The following ASNS variants were observed in gnomAD, a reference collection of about 807,000 sequenced individuals.
ASNS encodes the protein asparagine synthetase (glutamine-hydrolyzing), also known as asparagine synthetase [glutamine-hydrolyzing].
In ASNS, 37 loss-of-function variants were observed where a neutral mutation model predicts 62.6. The observed-to-expected ratio is 0.59, with a 90% CI of 0.45 to 0.78. ASNS has a LOEUF of 0.78. Among genes scored for constraint, ASNS ranks in the 30% least tolerant of loss-of-function variants. The probability of loss-of-function intolerance (pLI) is 0.00; values close to 1 mark genes in which losing one functional copy is unlikely to be tolerated. For synonymous variants in ASNS, 207 were observed against 237.9 expected (o/e 0.87, Z 1.19); for missense variants, 520 against 682.4 (o/e 0.76, Z 2.65).
chr7:97,925,528 A>G, the ASNS span, among the ~76,000 whole-genome samples: 1 of 152,118 alleles, frequency 6.6e-6, no homozygotes, highest in Non-Finnish European at 1.5e-5. Context: ...CCATCCTACA[A>G]TACACGGGAC....
the ASNS span, chr7:97,898,692 T>C: frequency 4.6e-6 from 3 of 657,268 alleles, no homozygotes; most frequent in African/African-American, 3.6e-5. Flanking sequence ...TTGTGTTTTT[T>C]AGTAAAACCA....
At chr7:97,917,161 C>T in the ASNS span, among the ~76,000 whole-genome samples, 1 of 133,448 alleles carries the variant, frequency 7.5e-6, no homozygotes. Context: ...AGATAAACAA[C>T]AAATCATTTT....
At chr7:97,883,384 T>C in the ASNS span, among the ~76,000 whole-genome samples, 1 of 152,114 alleles carries the variant, frequency 6.6e-6, no homozygotes, top group Admixed American at 6.5e-5. Context: ...CTTGGGTATG[T>C]TTTTCTTCTC....
chr7:97,925,571 C>T, the ASNS span, among the ~76,000 whole-genome samples: 6 of 152,084 alleles, frequency 3.9e-5, no homozygotes. Flanking sequence ...ATGGTCTGAC[C>T]CCAAGTGTTG....
chr7:97,908,907 C>T, the ASNS span: 3 of 152,126 alleles, frequency 2.0e-5, no homozygotes, highest in South Asian at 2.1e-4. Flanking sequence ...GTGAGCAAGC[C>T]GCCTGGATGA....
chr7:97,892,060 T>C, the ASNS span, among the ~76,000 whole-genome samples: 1 of 152,210 alleles, frequency 6.6e-6, no homozygotes, highest in Non-Finnish European at 1.5e-5. Flanking sequence ...TGCCTGGATA[T>C]CTAGGCATTT....
upstream of ASNS, among the ~76,000 whole-genome samples, chr7:97,873,365 C>T (rs1456969457): frequency 6.6e-6 from 1 of 152,172 alleles, no homozygotes; most frequent in Non-Finnish European, 1.5e-5. Context: ...ACAGTCAATG[C>T]TTGGAGAGCA....
chr7:97,921,877 C>A, the ASNS span, among the ~76,000 whole-genome samples: 1 of 152,154 alleles, frequency 6.6e-6, no homozygotes, highest in Non-Finnish European at 1.5e-5. Flanking sequence ...CCCTCCTCCC[C>A]CAACTGGTCT....
chr7:97,851,806 C>T lies in ASNS; in HGVS notation c.*453G>A, dbSNP rs910294100. On this transcript the variant is annotated 3_prime_UTR_variant, in exon 13 of 13. Transcript: ENST00000394308. ...GAGAAAAAAATGAACTACTATCTTG[C>T]AAAATAGAGCTGTGATGAACTCCTA... The T allele has an allele frequency of 3.2e-5, 5 of 155,192 alleles. No homozygotes were observed. Among genetic ancestry groups the T allele is most frequent in the Admixed American group, 1.3e-4 (2 of 15,678 alleles). 9.6% of individuals were successfully genotyped at this position (155,192 alleles called of 1,614,324 possible).
At chr7:97,920,021 T>C in the ASNS span, among the ~76,000 whole-genome samples, 1 of 151,950 alleles carries the variant, frequency 6.6e-6, no homozygotes, top group East Asian at 1.9e-4. Flanking sequence ...CTTTTTTTTT[T>C]TTTTGAGATG....
At chr7:97,911,662 C>G in the ASNS span, among the ~76,000 whole-genome samples, 1 of 151,896 alleles carries the variant, frequency 6.6e-6, no homozygotes, top group African/African-American at 2.4e-5. Flanking sequence ...AAACAAAAAC[C>G]CTCTTGATCC....
In ASNS at chr7:97,870,507, G is replaced by A. The variant is rs1163456028; in HGVS notation, c.-59-694C>T. Reference sequence around the variant, plus strand: ...AACCAAAGGTTTAGCTGGCTTTTCCGGAAAACCAGAACCAAATAATATATG... The same window carrying A: ...AACCAAAGGTTTAGCTGGCTTTTCCAGAAAACCAGAACCAAATAATATATG... On this transcript the variant is annotated intron_variant, in intron 1 of 12. Transcript: ENST00000394308. 1.3e-4 allele frequency among the ~76,000 whole-genome samples: 20 copies of A among 152,146 alleles called. No homozygotes were observed. In the South Asian group the frequency reaches 3.9e-3, roughly 30 times the overall value.
At chr7:97,912,041 A>G in the ASNS span, among the ~76,000 whole-genome samples, 1,326 of 152,304 alleles carry the variant, frequency 8.7e-3, 8 homozygotes, top group Non-Finnish European at 0.014. Context: ...GAGAGGCAGA[A>G]CAAGGAAAAG....
the ASNS span, chr7:97,886,027 C>T: frequency 8.3e-6 from 5 of 604,994 alleles, no homozygotes; most frequent in South Asian, 3.0e-5. Context: ...ACCTCCTGCC[C>T]GTCTCATGAT....
the ASNS span, among the ~76,000 whole-genome samples, chr7:97,900,998 A>G: frequency 6.6e-6 from 1 of 152,262 alleles, no homozygotes; most frequent in Non-Finnish European, 1.5e-5. Flanking sequence ...ATACAGGCAC[A>G]GTTATATGGC....
At chr7:97,894,358 A>G in the ASNS span, among the ~76,000 whole-genome samples, 2 of 151,798 alleles carry the variant, frequency 1.3e-5, no homozygotes, top group Non-Finnish European at 2.9e-5. Context: ...GAAAGAAAAA[A>G]TATAAATAAC....
chr7:97,910,687 C>T, the ASNS span, among the ~76,000 whole-genome samples: 7 of 151,934 alleles, frequency 4.6e-5, no homozygotes, highest in South Asian at 4.2e-4. Flanking sequence ...CTGCAACTTC[C>T]GCCTCCCGGG....
rs139210599 is a variant in ASNS at position 97,864,351 on chromosome 7, T to C, written c.395A>G (p.Lys132Arg). 8 of 1,613,876 alleles carry C rather than the reference T, an allele frequency of 5.0e-6. No homozygotes were observed. Among genetic ancestry groups the C allele is most frequent in the African/African-American group, 2.7e-5 (2 of 75,024 alleles). ...AFVLLDTANK[K>R]VFLGRDTYGV... ...ATATGTATCTCTACCCAGGAACACT[T>C]TCTTATTGGCAGTATCCAGTAAAAC... is the stretch of plus-strand genomic sequence containing the variant. The change falls in exon 4 of 13, where the codon AAA (lysine) becomes AGA (arginine). Residue 132 changes from lysine to arginine, a missense_variant. Physicochemically the swap from Lys to Arg is conservative, Grantham distance 26. Coordinates refer to ENST00000394308, the MANE Select transcript of ASNS (RefSeq NM_001673.5).
the ASNS span, among the ~76,000 whole-genome samples, chr7:97,901,529 T>C: frequency 6.6e-6 from 1 of 152,202 alleles, no homozygotes; most frequent in Non-Finnish European, 1.5e-5. Flanking sequence ...TGGCAAGTTC[T>C]AGACACACTG....
Sources: allele counts gnomAD v4.1 joint callset (sites outside exome capture counted in the v4.1 genomes callset), GRCh38; gene constraint gnomAD v4.1.1; transcripts MANE v1.5; gene names NCBI Gene and HGNC (gene_info 2026-07-23, HGNC 2026-07-21).